The following ICA1 variants were observed in gnomAD, a reference collection of about 807,000 sequenced individuals.
ICA1 encodes the protein islet cell autoantigen 1, also known as 69 kDa islet cell autoantigen.
Under a neutral mutation model 71.0 loss-of-function variants are expected in ICA1, and 40 were observed. The ratio of observed to expected loss-of-function variants is 0.56; its 90% CI spans 0.44 to 0.73. The LOEUF (loss-of-function observed/expected upper bound fraction) is 0.73. Among genes scored for constraint, ICA1 ranks in the 30% least tolerant of loss-of-function variants. The pLI, the probability that ICA1 is intolerant of heterozygous loss-of-function variation, is 0.00. For synonymous variants in ICA1, 207 were observed against 209.5 expected (o/e 0.99, Z 0.10); for missense variants, 578 against 576.5 (o/e 1.00, Z -0.03).
chr7:8,171,297 T>C (rs1248871916), intron 6 of ICA1, among the ~76,000 whole-genome samples: 1 of 151,970 alleles, frequency 6.6e-6, no homozygotes, highest in African/African-American at 2.4e-5. Context: ...TAGAAAGATT[T>C]TTAACTACAA....
intron 3 of ICA1, among the ~76,000 whole-genome samples, chr7:8,231,474 C>T (rs1800259900): frequency 6.6e-6 from 1 of 152,102 alleles, no homozygotes; most frequent in Admixed American, 6.5e-5. Flanking sequence ...TATTTATAAA[C>T]ACTAATAAAC....
At chr7:8,219,705 T>A (rs1041626749) in intron 5 of ICA1, among the ~76,000 whole-genome samples, 6 of 152,222 alleles carry the variant, frequency 3.9e-5, no homozygotes, top group Non-Finnish European at 8.8e-5. Flanking sequence ...TTTCATCAAA[T>A]AGAATATATG....
intron 6 of ICA1, among the ~76,000 whole-genome samples, chr7:8,216,720 G>C (rs1418828252): frequency 6.6e-6 from 1 of 152,106 alleles, no homozygotes; most frequent in Non-Finnish European, 1.5e-5. Flanking sequence ...AGTATGAAAG[G>C]CCTTTTTCAA....
rs536456433 is a variant in ICA1, at chr7:8,154,552, C to T, written c.804+2564G>A. On this transcript the variant is annotated intron_variant, in intron 8 of 13. Transcript: ENST00000402384. Reference sequence around the variant, plus strand: ...CCTCTCTAAAGACAATGTTTTCTTTCCAGTCAGAGTCCCAAAAGGCATTTC... The same window carrying T: ...CCTCTCTAAAGACAATGTTTTCTTTTCAGTCAGAGTCCCAAAAGGCATTTC... 5.3e-5 allele frequency among the ~76,000 whole-genome samples: 8 copies of T among 152,246 alleles called. No individual in the cohort carries two copies. The South Asian group carries it at 1.7e-3, about 32-fold the overall frequency.
intron 1 of ICA1, among the ~76,000 whole-genome samples, chr7:8,260,048 C>G (rs934248223): frequency 4.6e-5 from 7 of 152,046 alleles, no homozygotes; most frequent in Non-Finnish European, 8.8e-5. Flanking sequence ...TGCCACCTAC[C>G]CTCAGGCTCA....
chr7:8,145,798 C>T (rs1796684636), intron 8 of ICA1, among the ~76,000 whole-genome samples: 1 of 138,320 alleles, frequency 7.2e-6, no homozygotes, highest in Non-Finnish European at 1.6e-5. Context: ...GACAGTAGTC[C>T]TTTTAACCAA....
chr7:8,166,304 C>A (rs1011620788), intron 6 of ICA1, among the ~76,000 whole-genome samples: 1 of 152,112 alleles, frequency 6.6e-6, no homozygotes, highest in Non-Finnish European at 1.5e-5. Flanking sequence ...ACACGTAGAC[C>A]AGTGGAGCAG....
intron 4 of ICA1, among the ~76,000 whole-genome samples, chr7:8,224,151 G>A (rs1189409740): frequency 2.0e-5 from 3 of 152,182 alleles, no homozygotes; most frequent in Non-Finnish European, 4.4e-5. Context: ...ATGAGAGATG[G>A]GGAGTTAAGA....
intron 10 of ICA1, 27 bp from the exon 11 acceptor site, chr7:8,139,074 A>G (rs1453632094): frequency 3.2e-6 from 5 of 1,573,866 alleles, no homozygotes; most frequent in Admixed American, 1.7e-5. Context: ...GCAACTGGTT[A>G]CCAACAACTC....
At chr7:8,175,134 A>G (rs1011923758) in intron 6 of ICA1, among the ~76,000 whole-genome samples, 11 of 151,910 alleles carry the variant, frequency 7.2e-5, no homozygotes, top group African/African-American at 2.4e-4. Context: ...TGTGGGGGAT[A>G]AAGCGGGGAG....
chr7:8,229,865 G>A (rs1360588572), intron 3 of ICA1, among the ~76,000 whole-genome samples: 1 of 152,184 alleles, frequency 6.6e-6, no homozygotes, highest in African/African-American at 2.4e-5. Flanking sequence ...CTTAGCAAGT[G>A]TTTTATATCA....
rs990099005 is a variant in ICA1 at position 8,130,234 on chromosome 7, G to A, written c.1061-2092C>T. On this transcript the variant is annotated intron_variant, in intron 12 of 13. Coordinates refer to ENST00000402384, the MANE Select transcript of ICA1 (RefSeq NM_001136020.3). This position sits in a 1 kb window ranked among gnomAD's most constrained non-coding sequence, Gnocchi z 4.2. ...TACCCAGTAATGGGATGGCTGGGTC[G>A]AATGGTATTTCGACAGTGTGATATT... is the stretch of plus-strand genomic sequence containing the variant. Among the ~76,000 whole-genome samples, 1 of 152,110 alleles carries A rather than the reference G, an allele frequency of 6.6e-6. No homozygotes were observed. Among genetic ancestry groups the A allele is most frequent in the African/African-American group, 2.4e-5 (1 of 41,424 alleles).
In ICA1 at chr7:8,128,016, G is replaced by A. The variant is rs202165514; in HGVS notation, c.1187C>T (p.Ala396Val). 1 of 1,614,200 alleles carries A rather than the reference G, an allele frequency of 6.2e-7. No homozygotes were observed. The highest frequency in any genetic ancestry group is 1.3e-5 in the African/African-American group (1 of 75,048). Residue 396 changes from alanine to valine, a missense_variant, in exon 13 of 14, where the codon GCT (alanine) becomes GTT (valine). Ala to Val is a moderately conservative substitution (Grantham distance 64, BLOSUM62 0). Coordinates refer to ENST00000402384, the MANE Select transcript of ICA1 (RefSeq NM_001136020.3). ...EEGEFSKEWA[A>V]VFGDGQVKEP... Reference sequence around the variant, plus strand: ...CTTCACTTGGCCGTCTCCAAACACAGCGGCCCACTCTTTGCTGAACTCGCC... The same window carrying A: ...CTTCACTTGGCCGTCTCCAAACACAACGGCCCACTCTTTGCTGAACTCGCC...
chr7:8,147,123 C>T (rs1243637434), intron 8 of ICA1, among the ~76,000 whole-genome samples: 3 of 152,086 alleles, frequency 2.0e-5, no homozygotes, highest in East Asian at 1.9e-4. Context: ...TGCTCTCAGC[C>T]GGCCCTGTCT....
At position 8,238,707 on chromosome 7, in the gene ICA1, G is replaced by T. The variant is rs568432463; in HGVS notation, c.-79-2702C>A. 2.0e-4 allele frequency among the ~76,000 whole-genome samples: 30 copies of T among 152,202 alleles called. No homozygotes were observed. In the South Asian group the frequency reaches 5.6e-3, roughly 28 times the overall value. ...TTCATAGTGTAAGTTCTTATAGTATGTGTTATTTATAGTTATAGTTAACAA... is the reference window on the plus strand; with the variant it reads ...TTCATAGTGTAAGTTCTTATAGTATTTGTTATTTATAGTTATAGTTAACAA... On this transcript the variant is annotated intron_variant, in intron 1 of 13. Transcript: ENST00000402384.
intron 6 of ICA1, among the ~76,000 whole-genome samples, chr7:8,183,433 T>C (rs1439158394): frequency 2.6e-5 from 4 of 152,190 alleles, no homozygotes; most frequent in South Asian, 2.1e-4. Flanking sequence ...GATGTGTATA[T>C]GTTAGAGGGA....
rs187720011 is a variant in ICA1, at chr7:8,252,233, C to G, written c.-80+9861G>C. Among the ~76,000 whole-genome samples the G allele has an allele frequency of 4.1e-3, 624 of 152,234 alleles. 6 individuals are homozygous for G. The highest frequency in any genetic ancestry group is 6.5e-3 in the Non-Finnish European group (441 of 68,008). On this transcript the variant is annotated intron_variant, in intron 1 of 13. Transcript: ENST00000402384. ...TTTATGGTGGTGTTTTCTCTAAAAG[C>G]TTAATTTCAAAAGCTGAAGAATGAA...
chr7:8,202,757 ACAAACT>A (rs943643746), intron 6 of ICA1, among the ~76,000 whole-genome samples: 2 of 152,248 alleles, frequency 1.3e-5, no homozygotes, highest in Non-Finnish European at 2.9e-5. Context: ...GTTAGCTGTA[ACAAACT>A]GCAGAGTAAA....
chr7:8,161,273 GT>G, intron 6 of ICA1, among the ~76,000 whole-genome samples: 1 of 152,120 alleles, frequency 6.6e-6, no homozygotes, highest in African/African-American at 2.4e-5. Flanking sequence ...GGACAGACAA[GT>G]TAGTCACTAT....
Sources: gnomAD v4.1 joint callset for allele counts (sites outside exome capture counted in the v4.1 genomes callset) on GRCh38, gnomAD v4.1.1 for gene constraint, Gnocchi (gnomAD v3.1) non-coding constraint, MANE v1.5 for transcripts, NCBI Gene and HGNC (gene_info 2026-07-23, HGNC 2026-07-21) for gene names.